Variants in DHX15 observed in about 807,000 individuals in gnomAD.
DHX15 encodes DEAH-box helicase 15, also known as ATP-dependent RNA helicase DHX15.
DHX15 carries 11 observed loss-of-function variants against 94.4 expected under a neutral mutation model. The ratio of observed to expected loss-of-function variants is 0.12; its 90% CI spans 0.07 to 0.19. The LOEUF is 0.19. Ranked by LOEUF, DHX15 falls within the 10% of genes least tolerant of loss-of-function variation. The pLI, the probability that DHX15 is intolerant of heterozygous loss-of-function variation, is 1.00. For missense variants in DHX15, 304 were observed against 988.5 expected (o/e 0.31, Z 9.29); for synonymous variants, 338 against 329.9 (o/e 1.02, Z -0.27).
chr4:24,552,590 G>A (rs1444681142), intron 5 of DHX15, among the ~76,000 whole-genome samples: 1 of 152,150 alleles, frequency 6.6e-6, no homozygotes, highest in Non-Finnish European at 1.5e-5. Flanking sequence ...TTTCGCAGTT[G>A]CATTTAACTT....
At chr4:24,584,254 C>G in intron 1 of DHX15, 69 bp downstream of exon 1, 2 of 1,505,108 alleles carry the variant, frequency 1.3e-6, no homozygotes, top group Non-Finnish European at 1.8e-6. Context: ...CCAGGCCAGC[C>G]CCGGCCCGCT....
chr4:24,546,695 CA>C (rs1338957865), intron 6 of DHX15, among the ~76,000 whole-genome samples: 1 of 152,022 alleles, frequency 6.6e-6, no homozygotes, highest in Non-Finnish European at 1.5e-5. Flanking sequence ...ATTAGTACCA[CA>C]ATCAAGTTAT....
At chr4:24,540,674 GT>G (rs1412116821) in intron 9 of DHX15, among the ~76,000 whole-genome samples, 165 bp downstream of exon 9, 4 of 151,364 alleles carry the variant, frequency 2.6e-5, no homozygotes, top group African/African-American at 9.7e-5. Context: ...TCATATAACT[GT>G]CACCTTTTTT....
At chr4:24,553,521 C>G (rs1486106464) in intron 5 of DHX15, among the ~76,000 whole-genome samples, 1 of 151,968 alleles carries the variant, frequency 6.6e-6, no homozygotes, top group East Asian at 1.9e-4. Flanking sequence ...CGCCTATAAT[C>G]CCAGCACTTT....
intron 6 of DHX15, among the ~76,000 whole-genome samples, chr4:24,547,937 A>ATATATC (rs1194457632): frequency 3.8e-4 from 13 of 33,998 alleles, no homozygotes; most frequent in South Asian, 9.4e-4. Context: ...ATATATATAT[A>ATATATC]TATATCTATA....
chr4:24,533,073 G>A lies in DHX15; in HGVS notation c.1910-19C>T. 1 of 1,609,370 alleles carries A rather than the reference G, an allele frequency of 6.2e-7. No individual in the cohort carries two copies. The highest frequency in any genetic ancestry group is 8.5e-7 in the Non-Finnish European group (1 of 1,175,838). On this transcript the variant is annotated intron_variant, in intron 11 of 13. Transcript: ENST00000336812. The stretch of plus-strand genomic sequence containing the variant: ...TCATGATCTAAAAAGGTAGAAGGCG[G>A]GGAGAAAAGAAGGCACCATGAATCA...
chr4:24,547,432 A>C (rs1191260701), intron 6 of DHX15, among the ~76,000 whole-genome samples: 1 of 152,214 alleles, frequency 6.6e-6, no homozygotes, highest in African/African-American at 2.4e-5. Flanking sequence ...CAAAAACTTT[A>C]ATTTACTTCA....
At chr4:24,538,464 G>C (rs1490077190) in intron 10 of DHX15, 2 of 152,094 alleles carry the variant, frequency 1.3e-5, no homozygotes, top group Non-Finnish European at 2.9e-5. Context: ...CTAGCCACTA[G>C]AGTTAAGTGG....
chr4:24,541,328 C>T (rs532804160), intron 8 of DHX15, among the ~76,000 whole-genome samples: 20 of 152,214 alleles, frequency 1.3e-4, no homozygotes, highest in African/African-American at 4.6e-4. Context: ...ATACACTATA[C>T]ACCCATTTGT....
intron 2 of DHX15, 64 bp from the exon 3 acceptor site, chr4:24,570,911 A>G: frequency 6.6e-7 from 1 of 1,507,896 alleles, no homozygotes; most frequent in Non-Finnish European, 9.1e-7. Flanking sequence ...TATGTAACAT[A>G]AAGCACTTTA....
intron 3 of DHX15, among the ~76,000 whole-genome samples, chr4:24,565,717 A>G (rs1016389517): frequency 1.3e-5 from 2 of 152,092 alleles, no homozygotes; most frequent in Non-Finnish European, 2.9e-5. Context: ...TAACTGGTTA[A>G]AAAGATCCAA....
rs1560774553 is a variant in DHX15 at position 24,570,908 on chromosome 4, C to T, written c.508-61G>A. 11 of 1,518,796 alleles carry T rather than the reference C, an allele frequency of 7.2e-6. No homozygotes were observed. The East Asian group carries it at 2.5e-4, about 35-fold the overall frequency. The allele number at this position is 1,518,796 out of a possible 1,614,324, so 94.1% of individuals were successfully genotyped here. On this transcript the variant is annotated intron_variant, in intron 2 of 13. Transcript: ENST00000336812. The stretch of plus-strand genomic sequence containing the variant: ...CTGCCTGCATATCAAGTATATGTAA[C>T]ATAAAGCACTTTATCTCATTCTAAT...
At chr4:24,564,353 TGA>T in intron 3 of DHX15, among the ~76,000 whole-genome samples, 1 of 152,270 alleles carries the variant, frequency 6.6e-6, no homozygotes, top group East Asian at 1.9e-4. Context: ...AAGAAATTAT[TGA>T]GATATTACGT....
chr4:24,559,606 T>C (rs200332457), intron 3 of DHX15, among the ~76,000 whole-genome samples: 2 of 152,238 alleles, frequency 1.3e-5, no homozygotes, highest in East Asian at 3.9e-4. Flanking sequence ...TGAGTCACAA[T>C]AGTAAAATTT....
At chr4:24,549,095 G>T in intron 5 of DHX15, 73 bp from the exon 6 acceptor site, 1 of 1,314,234 alleles carries the variant, frequency 7.6e-7, no homozygotes, top group Non-Finnish European at 1.0e-6. Context: ...CTAGTTCTAT[G>T]CAGTCTGTTT....
At chr4:24,569,084 T>C (rs1722061090) in intron 3 of DHX15, among the ~76,000 whole-genome samples, 1 of 152,212 alleles carries the variant, frequency 6.6e-6, no homozygotes, top group South Asian at 2.1e-4. Context: ...GAAAACTGGA[T>C]ATTTTGATCC....
intron 3 of DHX15, among the ~76,000 whole-genome samples, chr4:24,561,271 A>T (rs1721868040): frequency 6.6e-6 from 1 of 152,242 alleles, no homozygotes; most frequent in Non-Finnish European, 1.5e-5. Context: ...AACCACAATG[A>T]GATACCATCT....
intron 5 of DHX15, among the ~76,000 whole-genome samples, chr4:24,553,420 G>A (rs1356635875): frequency 6.6e-6 from 1 of 152,030 alleles, no homozygotes; most frequent in African/African-American, 2.4e-5. Flanking sequence ...AGGACAAAAC[G>A]ATTATCCCAA....
intron 10 of DHX15, chr4:24,538,620 T>A (rs930060220): frequency 6.6e-6 from 1 of 152,194 alleles, no homozygotes; most frequent in Non-Finnish European, 1.5e-5. Flanking sequence ...ACTTGCCTCT[T>A]ATTTCAACAC....
Sources: allele counts gnomAD v4.1 joint callset (sites outside exome capture counted in the v4.1 genomes callset), GRCh38; gene constraint gnomAD v4.1.1; transcripts MANE v1.5; gene names NCBI Gene and HGNC (gene_info 2026-07-23, HGNC 2026-07-21).